Variants in PPP6C observed in about 807,000 individuals in gnomAD.
PPP6C encodes serine/threonine-protein phosphatase 6 catalytic subunit.
In PPP6C, 11 loss-of-function variants were observed where a neutral mutation model predicts 39.8. The observed-to-expected ratio is 0.28, with a 90% CI of 0.17 to 0.46. The LOEUF (loss-of-function observed/expected upper bound fraction) is 0.46. PPP6C is among the 20% of genes least tolerant of loss of function. PPP6C has a pLI of 1.00. For missense variants in PPP6C, 211 were observed against 373.9 expected (o/e 0.56, Z 3.59); for synonymous variants, 129 against 130.3 (o/e 0.99, Z 0.07).
intron 1 of PPP6C, among the ~76,000 whole-genome samples, chr9:125,187,060 C>T (rs974110883): frequency 2.0e-5 from 3 of 149,324 alleles, no homozygotes; most frequent in African/African-American, 7.5e-5. Flanking sequence ...GATTCTCCTG[C>T]CTCAGCCTCC....
At chr9:125,161,239 C>T (rs755924386) in intron 2 of PPP6C, among the ~76,000 whole-genome samples, 2 of 152,086 alleles carry the variant, frequency 1.3e-5, no homozygotes, top group Non-Finnish European at 2.9e-5. Flanking sequence ...ACAGCCCACC[C>T]AAATTCTGTA....
rs1365928619 is a variant in PPP6C at position 125,177,060 on chromosome 9, G to A, written c.76-5880C>T. On this transcript the variant is annotated intron_variant, in intron 1 of 6. Transcript: ENST00000373547. The stretch of plus-strand genomic sequence containing the variant: ...TTTTTAGAGCAGTTTTAGCTTCACA[G>A]CAAAATTGAGCAGAAAAGTACAGAG... Among the ~76,000 whole-genome samples, 7 of 152,088 alleles carry A rather than the reference G, an allele frequency of 4.6e-5. No homozygotes were observed. The South Asian group carries it at 8.3e-4, about 18-fold the overall frequency.
At chr9:125,158,447 C>CA in intron 3 of PPP6C, 65 bp from the exon 4 acceptor site, 1 of 1,461,344 alleles carries the variant, frequency 6.8e-7, no homozygotes, top group Non-Finnish European at 9.4e-7. Flanking sequence ...CAAATTATAT[C>CA]AAACTGTACA....
At chr9:125,157,138 C>T (rs1836097483) in intron 4 of PPP6C, among the ~76,000 whole-genome samples, 2 of 132,986 alleles carry the variant, frequency 1.5e-5, no homozygotes, top group African/African-American at 5.5e-5. Context: ...CCTCCCCCTA[C>T]CAGTGCCCGG....
In PPP6C at chr9:125,189,744, AGCGGCGGCGGCGGCTGTAGCAGCGGCG is replaced by A; in HGVS notation, c.-53_-27del. Reference sequence around the variant, plus strand: ...TTTAAGAATAACAAGCCGCGGCAACAGCGGCGGCGGCGGCTGTAGCAGCGGCGGCGGCAGCGGCGGAGGCCGAAGCCG... The same window carrying A: ...TTTAAGAATAACAAGCCGCGGCAACAGCGGCAGCGGCGGAGGCCGAAGCCG... On this transcript the variant is annotated 5_prime_UTR_variant, in exon 1 of 7. Coordinates refer to ENST00000373547, the MANE Select transcript of PPP6C (RefSeq NM_002721.5). 5 of 1,559,628 alleles carry A rather than the reference AGCGGCGGCGGCGGCTGTAGCAGCGGCG, an allele frequency of 3.2e-6. No individual in the cohort carries two copies. Among genetic ancestry groups the A allele is most frequent in the Non-Finnish European group, 4.3e-6 (5 of 1,157,234 alleles).
At chr9:125,172,037 G>A in intron 1 of PPP6C, 1 of 450,978 alleles carries the variant, frequency 2.2e-6, no homozygotes, top group South Asian at 1.6e-5. Flanking sequence ...ATGAGTGAAT[G>A]GTTAAACACA....
At chr9:125,150,728 C>A in intron 6 of PPP6C, 1 of 784,512 alleles carries the variant, frequency 1.3e-6, no homozygotes, top group Non-Finnish European at 2.1e-6. Context: ...GCCTGGAGCT[C>A]GGCAAGGCAG....
At chr9:125,185,357 G>A (rs932349226) in intron 1 of PPP6C, among the ~76,000 whole-genome samples, 2 of 150,772 alleles carry the variant, frequency 1.3e-5, no homozygotes, top group Non-Finnish European at 2.9e-5. Context: ...CAATTCTCCT[G>A]CCTCAGCCTC....
intron 2 of PPP6C, among the ~76,000 whole-genome samples, chr9:125,164,263 G>A (rs529195749): frequency 9.5e-6 from 1 of 104,740 alleles, no homozygotes; most frequent in Non-Finnish European, 1.7e-5. Flanking sequence ...GTCTCAGTCT[G>A]TTACCCAGCC....
At chr9:125,185,301 G>C (rs1409807814) in intron 1 of PPP6C, among the ~76,000 whole-genome samples, 1 of 150,662 alleles carries the variant, frequency 6.6e-6, no homozygotes, top group East Asian at 2.0e-4. Flanking sequence ...CTGGAGTGCA[G>C]TGGCATGATC....
chr9:125,187,953 G>A (rs539050646), intron 1 of PPP6C, among the ~76,000 whole-genome samples: 1 of 152,114 alleles, frequency 6.6e-6, no homozygotes, highest in Non-Finnish European at 1.5e-5. Context: ...AAATTAACAG[G>A]TAAGTACAAT....
intron 1 of PPP6C, among the ~76,000 whole-genome samples, chr9:125,184,158 C>T (rs903620917): frequency 6.6e-6 from 1 of 151,988 alleles, no homozygotes; most frequent in Admixed American, 6.6e-5. Flanking sequence ...GAGGCCAAGG[C>T]GGGTGGATCA....
intron 3 of PPP6C, 95 bp downstream of exon 3, chr9:125,160,746 T>A (rs1328251176): frequency 4.6e-6 from 4 of 868,776 alleles, no homozygotes; most frequent in Non-Finnish European, 6.8e-6. Context: ...AAATAGGGAC[T>A]GTCACATGGT....
chr9:125,158,207 T>C (rs1272013374), intron 4 of PPP6C, 34 bp downstream of exon 4: 1 of 1,557,836 alleles, frequency 6.4e-7, no homozygotes. Context: ...GAAAGTAAAA[T>C]AATATTCAGA....
In PPP6C at chr9:125,156,303, C is replaced by T. The variant is rs377465435; in HGVS notation, c.379+1938G>A. ...TTTGCTTTGTTTCGTTTTGAGACAGCCTCACTGTCATCCAGGCTGGAGTGC... is the reference window on the plus strand; with the variant it reads ...TTTGCTTTGTTTCGTTTTGAGACAGTCTCACTGTCATCCAGGCTGGAGTGC... On this transcript the variant is annotated intron_variant, in intron 4 of 6. Transcript: ENST00000373547. Among the ~76,000 whole-genome samples the T allele has an allele frequency of 5.3e-5, 8 of 152,090 alleles. 1 individual carries two copies. Among genetic ancestry groups the T allele is most frequent in the Admixed American group, 3.9e-4 (6 of 15,268 alleles).
chr9:125,172,989 G>A (rs570654283), intron 1 of PPP6C, among the ~76,000 whole-genome samples: 1 of 152,216 alleles, frequency 6.6e-6, no homozygotes, highest in Admixed American at 6.5e-5. Context: ...CTAAAACTGA[G>A]GAGCCAGCTG....
At position 125,149,805 on chromosome 9, in the gene PPP6C, G is replaced by A. The variant is rs751399532; in HGVS notation, c.786C>T (p.Cys262=). ...TCGAAGCAATATTTCCACAACGATA[G>A]CAGTAATTAGGAGCAGACCATACTG... is the stretch of plus-strand genomic sequence containing the variant. ...LVTVWSAPNY[C]YRCGNIASIM... is the part of the protein sequence containing the mutation. Residue 262 remains cysteine, a synonymous_variant, in exon 7 of 7, where the codon TGC becomes TGT. Coordinates refer to ENST00000373547, the MANE Select transcript of PPP6C (RefSeq NM_002721.5). The A allele has an allele frequency of 6.2e-7, 1 of 1,614,174 alleles. No homozygotes were observed. The highest frequency in any genetic ancestry group is 1.3e-5 in the African/African-American group (1 of 75,058).
At position 125,167,714 on chromosome 9, in the gene PPP6C, A is replaced by AT. The variant is rs1182152151; in HGVS notation, c.171+3370_171+3371insA. ...GAGAAACTCTGTCTCAAAAAAAAAAAATTTTTTTTTTTTAGAGATGGGGAG... is the reference window on the plus strand; with the variant it reads ...GAGAAACTCTGTCTCAAAAAAAAAAATATTTTTTTTTTTTAGAGATGGGGAG... On this transcript the variant is annotated intron_variant, in intron 2 of 6. Transcript: ENST00000373547. Among the ~76,000 whole-genome samples, 1,064 of 150,408 alleles carry AT rather than the reference A, an allele frequency of 7.1e-3. 8 individuals carry two copies. Among genetic ancestry groups the AT allele is most frequent in the African/African-American group, 0.025 (1,008 of 40,866 alleles).
At chr9:125,169,162 C>CA (rs570556690) in intron 2 of PPP6C, among the ~76,000 whole-genome samples, 165 of 152,328 alleles carry the variant, frequency 1.1e-3, no homozygotes, top group African/African-American at 3.7e-3. Context: ...TTTCAAATCT[C>CA]AATCTGCCCT....
Sources: gnomAD v4.1 joint callset for allele counts (sites outside exome capture counted in the v4.1 genomes callset) on GRCh38, gnomAD v4.1.1 for gene constraint, MANE v1.5 for transcripts, NCBI Gene and HGNC (gene_info 2026-07-23, HGNC 2026-07-21) for gene names.